Variants in CAMK1D observed in about 807,000 individuals in gnomAD.
The protein encoded by CAMK1D is calcium/calmodulin dependent protein kinase ID.
A neutral mutation model predicts 47.7 loss-of-function variants in CAMK1D; 9 were observed. The observed-to-expected ratio is 0.19, with a 90% CI of 0.11 to 0.33. The LOEUF (loss-of-function observed/expected upper bound fraction) is 0.33. Ranked by LOEUF, CAMK1D falls within the 10% of genes least tolerant of loss-of-function variation. The pLI, the probability that CAMK1D is intolerant of heterozygous loss-of-function variation, is 1.00. For synonymous variants in CAMK1D, 184 were observed against 184.9 expected (o/e 0.99, Z 0.04); for missense variants, 291 against 488.7 (o/e 0.60, Z 3.81).
intron 1 of CAMK1D, among the ~76,000 whole-genome samples, chr10:12,538,091 C>T (rs1836037092): frequency 6.6e-6 from 1 of 152,196 alleles, no homozygotes; most frequent in Non-Finnish European, 1.5e-5. Flanking sequence ...CTTTCCTGTT[C>T]TGCGCACTGT....
intron 5 of CAMK1D, among the ~76,000 whole-genome samples, chr10:12,785,267 G>C (rs2493769): frequency 0.038 from 5,796 of 152,266 alleles, 377 homozygotes; most frequent in African/African-American, 0.13. Context: ...TGTGCCTTCT[G>C]TTGTGTCTGG....
chr10:12,427,700 G>GTTTTTTT lies in CAMK1D; in HGVS notation c.92+77809_92+77815dup, dbSNP rs768000055. Among the ~76,000 whole-genome samples, 137 of 31,028 alleles carry GTTTTTTT rather than the reference G, an allele frequency of 4.4e-3. 29 individuals are homozygous for GTTTTTTT. The highest frequency in any genetic ancestry group is 7.8e-3 in the African/African-American group (73 of 9,396). The allele number at this position is 31,028 out of a possible 152,430, so 20.4% of individuals were successfully genotyped here. A position where few individuals can be genotyped will look rare whatever the true frequency, so the allele number is the denominator to read the frequency against. ...CTTTCCTGGCTTCACTGAACTTACT[G>GTTTTTTT]TTTTTTTTTTTTTTTTTTTTTTTTT... On this transcript the variant is annotated intron_variant, in intron 1 of 10. Transcript: ENST00000619168.
At chr10:12,351,665 T>C (rs1191190521) in intron 1 of CAMK1D, among the ~76,000 whole-genome samples, 2 of 152,132 alleles carry the variant, frequency 1.3e-5, no homozygotes, top group Non-Finnish European at 2.9e-5. Flanking sequence ...CTGCTGAGGC[T>C]CCAAGCTGTG....
At chr10:12,541,212 T>C (rs1836159603) in intron 1 of CAMK1D, among the ~76,000 whole-genome samples, 1 of 152,182 alleles carries the variant, frequency 6.6e-6, no homozygotes, top group Non-Finnish European at 1.5e-5. Flanking sequence ...AAAATGTCAT[T>C]AGTGGTGTGT....
intron 1 of CAMK1D, among the ~76,000 whole-genome samples, chr10:12,388,305 G>C (rs1401693681): frequency 1.3e-5 from 2 of 152,144 alleles, no homozygotes; most frequent in Non-Finnish European, 2.9e-5. Context: ...GAGATTACAC[G>C]TGTGAGCCAC....
intron 2 of CAMK1D, 53 bp from the exon 3 acceptor site, chr10:12,666,680 AAAC>A: frequency 7.2e-7 from 1 of 1,397,974 alleles, no homozygotes; most frequent in Non-Finnish European, 1.0e-6. Flanking sequence ...GTCTGTTTTG[AAAC>A]ATTTTCCTAT....
At chr10:12,365,946 C>T (rs1045262687) in intron 1 of CAMK1D, among the ~76,000 whole-genome samples, 1 of 152,102 alleles carries the variant, frequency 6.6e-6, no homozygotes, top group Admixed American at 6.5e-5. Context: ...ATCCCAGCTA[C>T]TCGGGAGGCT....
chr10:12,405,341 A>G (rs1328767872), intron 1 of CAMK1D, among the ~76,000 whole-genome samples: 2 of 152,218 alleles, frequency 1.3e-5, no homozygotes, highest in Non-Finnish European at 2.9e-5. Context: ...TAGTGCAGAC[A>G]TAATGCCCAG....
At position 12,746,322 on chromosome 10, in the gene CAMK1D, C is replaced by T. The variant is rs193056849; in HGVS notation, c.300-14626C>T. Among the ~76,000 whole-genome samples, 1,140 of 144,982 alleles carry T rather than the reference C, an allele frequency of 7.9e-3. 56 individuals carry two copies. The highest frequency in any genetic ancestry group is 0.07 in the Admixed American group (1,007 of 14,350). ...GAGCTTGCAGTGAGCCCAGATCTCGCCACTGCACTCCAGCCTGGGCGACAG... is the reference window on the plus strand; with the variant it reads ...GAGCTTGCAGTGAGCCCAGATCTCGTCACTGCACTCCAGCCTGGGCGACAG... On this transcript the variant is annotated intron_variant, in intron 3 of 10. Transcript: ENST00000619168.
chr10:12,521,293 T>A (rs1269702965), intron 1 of CAMK1D, among the ~76,000 whole-genome samples: 1 of 152,150 alleles, frequency 6.6e-6, no homozygotes, highest in East Asian at 1.9e-4. Context: ...TTCCACAAAT[T>A]TTTGGTACTT....
At chr10:12,524,221 TC>T (rs1835543206) in intron 1 of CAMK1D, among the ~76,000 whole-genome samples, 1 of 151,450 alleles carries the variant, frequency 6.6e-6, no homozygotes, top group Non-Finnish European at 1.5e-5. Flanking sequence ...CATCTCAGCC[TC>T]CCAAAGTGCT....
intron 1 of CAMK1D, among the ~76,000 whole-genome samples, chr10:12,372,695 C>G (rs1044330778): frequency 6.6e-6 from 1 of 152,176 alleles, no homozygotes; most frequent in Non-Finnish European, 1.5e-5. Context: ...GCCTCGTGAT[C>G]ACGGCTCACT....
At chr10:12,363,373 A>G (rs755459300) in intron 1 of CAMK1D, among the ~76,000 whole-genome samples, 17 of 150,024 alleles carry the variant, frequency 1.1e-4, no homozygotes, top group South Asian at 2.1e-4. Context: ...TCCTGCCTCA[A>G]CCTTCCAAGT....
At chr10:12,822,110 A>G (rs1833035597) in intron 8 of CAMK1D, among the ~76,000 whole-genome samples, 1 of 152,214 alleles carries the variant, frequency 6.6e-6, no homozygotes, top group Non-Finnish European at 1.5e-5. Flanking sequence ...ATCCCTTCCA[A>G]TGTTTAGACT....
At chr10:12,545,751 G>A (rs1353396946) in intron 1 of CAMK1D, among the ~76,000 whole-genome samples, 4 of 151,456 alleles carry the variant, frequency 2.6e-5, no homozygotes, top group Non-Finnish European at 5.9e-5. Context: ...AGTGAGCCAC[G>A]ATGGCAGCAC....
Position 12,816,231 on chromosome 10 carries a change from G to T in CAMK1D, c.755-19G>T. On this transcript the variant is annotated intron_variant, in intron 7 of 10. Coordinates refer to ENST00000619168, the MANE Select transcript of CAMK1D (RefSeq NM_153498.4). Reference sequence around the variant, plus strand: ...AAGTCGCAAAGTGATTCCTTCCCTTGTGCCTTCTTTTTGAACAGCAAAAGA... The same window carrying T: ...AAGTCGCAAAGTGATTCCTTCCCTTTTGCCTTCTTTTTGAACAGCAAAAGA... The T allele has an allele frequency of 1.2e-6, 2 of 1,610,270 alleles. No homozygotes were observed. The highest frequency in any genetic ancestry group is 8.5e-7 in the Non-Finnish European group (1 of 1,176,972).
chr10:12,392,016 C>CAA (rs1491028672), intron 1 of CAMK1D, among the ~76,000 whole-genome samples: 1 of 137,468 alleles, frequency 7.3e-6, no homozygotes, highest in African/African-American at 2.7e-5. Context: ...CACACACACA[C>CAA]AAACAGTCTG....
Position 12,758,598 on chromosome 10 carries a change from A to G in CAMK1D, c.300-2350A>G, listed in dbSNP as rs372519198. On this transcript the variant is annotated intron_variant, in intron 3 of 10. Coordinates refer to ENST00000619168, the MANE Select transcript of CAMK1D (RefSeq NM_153498.4). ...TCAGTTTTCACTGCATTGCTGCCCT[A>G]TGGCACTGCTGTAAGACAGAAAATA... Among the ~76,000 whole-genome samples the G allele has an allele frequency of 1.8e-4, 28 of 152,324 alleles. No individual in the cohort carries two copies. The East Asian group carries it at 4.8e-3, about 26-fold the overall frequency.
At chr10:12,540,885 G>A (rs1016511796) in intron 1 of CAMK1D, among the ~76,000 whole-genome samples, 1 of 150,694 alleles carries the variant, frequency 6.6e-6, no homozygotes, top group Non-Finnish European at 1.5e-5. Context: ...CTGGTTGGTC[G>A]GGCACTGGTC....
Sources: allele counts gnomAD v4.1 joint callset (sites outside exome capture counted in the v4.1 genomes callset), GRCh38; gene constraint gnomAD v4.1.1; transcripts MANE v1.5; gene names NCBI Gene and HGNC (gene_info 2026-07-23, HGNC 2026-07-21).